The following PGCKA1 variants were observed in gnomAD, a reference collection of about 807,000 sequenced individuals.
PGCKA1 encodes PDCD10 and GCKIII kinases associated 1.
the PGCKA1 span, among the ~76,000 whole-genome samples, chr4:37,544,542 T>G: frequency 9.7e-3 from 1,481 of 152,094 alleles, 24 homozygotes; most frequent in African/African-American, 0.034. Context: ...TTTAAATGAC[T>G]TTATCTCTTT....
the PGCKA1 span, among the ~76,000 whole-genome samples, chr4:37,504,411 G>A: frequency 1.3e-5 from 2 of 151,416 alleles, no homozygotes; most frequent in Non-Finnish European, 2.9e-5. Context: ...GGCTACTCTA[G>A]GTCTTTTGTG....
At chr4:37,496,009 T>A in the PGCKA1 span, among the ~76,000 whole-genome samples, 198 of 152,132 alleles carry the variant, frequency 1.3e-3, no homozygotes, top group African/African-American at 4.4e-3. Context: ...GGCAAAAAAA[T>A]TTTTTTTACC....
At chr4:37,535,364 G>C in the PGCKA1 span, among the ~76,000 whole-genome samples, 1 of 152,154 alleles carries the variant, frequency 6.6e-6, no homozygotes, top group Admixed American at 6.5e-5. Flanking sequence ...CTGCAAACTG[G>C]GTGACAGAGT....
At chr4:37,539,935 T>G in the PGCKA1 span, among the ~76,000 whole-genome samples, 1 of 152,192 alleles carries the variant, frequency 6.6e-6, no homozygotes, top group African/African-American at 2.4e-5. Flanking sequence ...CATTTCTTTA[T>G]CATAAGAACA....
the PGCKA1 span, among the ~76,000 whole-genome samples, chr4:37,531,804 A>G: frequency 6.7e-6 from 1 of 150,112 alleles, no homozygotes; most frequent in Non-Finnish European, 1.5e-5. Flanking sequence ...AGGCAGGAGA[A>G]TGACGTGAAC....
chr4:37,481,886 A>AT, the PGCKA1 span, among the ~76,000 whole-genome samples: 2 of 152,116 alleles, frequency 1.3e-5, no homozygotes, highest in East Asian at 3.9e-4. Flanking sequence ...CCCTTATGCT[A>AT]TTCTCATAAT....
At chr4:37,592,408 C>G in the PGCKA1 span, among the ~76,000 whole-genome samples, 8 of 151,464 alleles carry the variant, frequency 5.3e-5, no homozygotes, top group South Asian at 1.5e-3. Context: ...AGGAAGGGAC[C>G]GAGCTGGTTT....
the PGCKA1 span, among the ~76,000 whole-genome samples, chr4:37,462,837 A>C: frequency 2.6e-5 from 4 of 152,162 alleles, no homozygotes; most frequent in South Asian, 8.3e-4. Context: ...TACTAAAAAA[A>C]TACAAAAAAT....
the PGCKA1 span, among the ~76,000 whole-genome samples, chr4:37,537,602 G>A: frequency 2.8e-4 from 42 of 152,242 alleles, no homozygotes; most frequent in Admixed American, 1.2e-3. Context: ...CTGTCAGTGC[G>A]GCTCTGGGCA....
At chr4:37,520,065 G>T in the PGCKA1 span, among the ~76,000 whole-genome samples, 1 of 152,100 alleles carries the variant, frequency 6.6e-6, no homozygotes, top group Non-Finnish European at 1.5e-5. Flanking sequence ...TATCACATTG[G>T]TTGATTTGCA....
chr4:37,468,236 C>T, the PGCKA1 span, among the ~76,000 whole-genome samples: 1 of 152,234 alleles, frequency 6.6e-6, no homozygotes, highest in Admixed American at 6.5e-5. Flanking sequence ...GGGACTGTTT[C>T]ATATCTCACA....
At chr4:37,545,388 A>G in the PGCKA1 span, among the ~76,000 whole-genome samples, 6 of 152,184 alleles carry the variant, frequency 3.9e-5, no homozygotes, top group Non-Finnish European at 5.9e-5. Flanking sequence ...CTGACACTCA[A>G]CCTGCATTCT....
the PGCKA1 span, among the ~76,000 whole-genome samples, chr4:37,586,386 C>T: frequency 3.3e-5 from 5 of 152,086 alleles, no homozygotes; most frequent in Admixed American, 3.3e-4. Flanking sequence ...TGCTCTGTAC[C>T]AGGTGCTGTC....
chr4:37,542,943 A>C, the PGCKA1 span, among the ~76,000 whole-genome samples: 1 of 152,188 alleles, frequency 6.6e-6, no homozygotes, highest in African/African-American at 2.4e-5. Context: ...TAGATGTTTA[A>C]TAATTAATGC....
chr4:37,542,709 A>G, the PGCKA1 span, among the ~76,000 whole-genome samples: 1,245 of 152,300 alleles, frequency 8.2e-3, 18 homozygotes, highest in African/African-American at 0.029. Context: ...TTAGGTAGCC[A>G]TATGTCGTTA....
the PGCKA1 span, among the ~76,000 whole-genome samples, chr4:37,531,615 G>A: frequency 2.4e-4 from 37 of 151,606 alleles, no homozygotes; most frequent in South Asian, 6.4e-3. Context: ...GAAGTAGGTC[G>A]GGCATGGTGG....
At chr4:37,544,607 A>G in the PGCKA1 span, among the ~76,000 whole-genome samples, 1 of 147,122 alleles carries the variant, frequency 6.8e-6, no homozygotes, top group Non-Finnish European at 1.5e-5. Flanking sequence ...CTGTTGAAAT[A>G]GTTATTTTTG....
At chr4:37,563,800 C>T in the PGCKA1 span, among the ~76,000 whole-genome samples, 1 of 152,146 alleles carries the variant, frequency 6.6e-6, no homozygotes, top group African/African-American at 2.4e-5. Flanking sequence ...TAATTTTGTC[C>T]AAATGCTTCA....
the PGCKA1 span, among the ~76,000 whole-genome samples, chr4:37,493,198 C>T: frequency 6.6e-6 from 1 of 151,984 alleles, no homozygotes; most frequent in African/African-American, 2.4e-5. Flanking sequence ...CTGTTCAATC[C>T]ACTGTCTTTA....
Sources: gnomAD v4.1 joint callset for allele counts (sites outside exome capture counted in the v4.1 genomes callset) on GRCh38, gnomAD v4.1.1 for gene constraint, MANE v1.5 for transcripts, NCBI Gene and HGNC (gene_info 2026-07-23, HGNC 2026-07-21) for gene names.